The following PAPPA2 variants were observed in gnomAD, a reference collection of about 807,000 sequenced individuals.
PAPPA2 encodes the protein pappalysin-2.
A neutral mutation model predicts 176.4 loss-of-function variants in PAPPA2; 86 were observed. The observed-to-expected ratio is 0.49, with a 90% confidence interval of 0.41 to 0.58. The LOEUF (loss-of-function observed/expected upper bound fraction) is 0.58. PAPPA2 is among the 20% of genes least tolerant of loss of function. The pLI, the probability that PAPPA2 is intolerant of heterozygous loss-of-function variation, is 0.00. For missense variants in PAPPA2, 2,073 were observed against 2,256.9 expected (o/e 0.92, Z 1.65); for synonymous variants, 809 against 852.2 (o/e 0.95, Z 0.88).
chr1:176,613,627 C>A (rs868274891), intron 3 of PAPPA2, among the ~76,000 whole-genome samples: 28 of 152,290 alleles, frequency 1.8e-4, no homozygotes, highest in African/African-American at 6.0e-4. Context: ...AGTTTGAAAT[C>A]ATAGATTTCT....
chr1:176,613,330 T>G (rs2102680791), intron 3 of PAPPA2, among the ~76,000 whole-genome samples: 1 of 152,328 alleles, frequency 6.6e-6, no homozygotes, highest in Non-Finnish European at 1.5e-5. Context: ...GTTACAGAAC[T>G]TCACTGCTGG....
chr1:176,835,925 T>C (rs1557902239), intron 21 of PAPPA2, among the ~76,000 whole-genome samples: 4 of 152,130 alleles, frequency 2.6e-5, no homozygotes, highest in African/African-American at 9.7e-5. Flanking sequence ...AGAGACCTTG[T>C]GCTAGGGCTC....
chr1:176,553,474 G>T (rs1265816683), intron 1 of PAPPA2: 1 of 152,076 alleles, frequency 6.6e-6, no homozygotes, highest in Non-Finnish European at 1.5e-5. Flanking sequence ...GGAAAACACA[G>T]AAATGGTTCA....
Position 176,631,489 on chromosome 1 carries a change from G to A in PAPPA2, c.1991+35894G>A, listed in dbSNP as rs1656335907. On this transcript the variant is annotated intron_variant, in intron 3 of 22. Transcript: ENST00000367662. Reference sequence around the variant, plus strand: ...GAGATGATTGCACACATCTCTCAATGCACTAAAAACATTGAATTGTACACT... The same window carrying A: ...GAGATGATTGCACACATCTCTCAATACACTAAAAACATTGAATTGTACACT... Among the ~76,000 whole-genome samples the A allele has an allele frequency of 3.3e-5, 5 of 152,230 alleles. No individual in the cohort carries two copies. In the South Asian group the frequency reaches 1.0e-3, roughly 32 times the overall value.
intron 21 of PAPPA2, among the ~76,000 whole-genome samples, chr1:176,812,829 T>C (rs972006127): frequency 6.6e-6 from 1 of 152,122 alleles, no homozygotes; most frequent in Non-Finnish European, 1.5e-5. Flanking sequence ...GAAGTGCAGG[T>C]TTGTTACATA....
intron 12 of PAPPA2, among the ~76,000 whole-genome samples, chr1:176,716,409 C>T (rs1661375207): frequency 6.6e-6 from 1 of 151,466 alleles, no homozygotes; most frequent in Non-Finnish European, 1.5e-5. Context: ...TTATGCCCGG[C>T]TAATTTTTGT....
rs774870212 is a variant in PAPPA2, at chr1:176,556,282, A to G, written c.-41A>G. ...TGCCCATCACTCTGGTGTGGTACCC[A>G]GAAGTTGACTTCTGGTTCTGTAGAA... On this transcript the variant is annotated 5_prime_UTR_variant, in exon 2 of 23. Coordinates refer to ENST00000367662, the MANE Select transcript of PAPPA2 (RefSeq NM_020318.3). 1.0e-5 allele frequency: 16 copies of G among 1,585,692 alleles called. No homozygotes were observed. Among genetic ancestry groups the G allele is most frequent in the Admixed American group, 1.7e-5 (1 of 57,870 alleles).
chr1:176,776,423 C>T (rs752705914), intron 17 of PAPPA2, among the ~76,000 whole-genome samples: 5 of 152,244 alleles, frequency 3.3e-5, no homozygotes, highest in Non-Finnish European at 4.4e-5. Context: ...GAGGGTTGCC[C>T]ACAGCATCAA....
chr1:176,658,601 C>T (rs1322142917), intron 3 of PAPPA2, among the ~76,000 whole-genome samples: 1 of 151,672 alleles, frequency 6.6e-6, no homozygotes, highest in Non-Finnish European at 1.5e-5. Flanking sequence ...AGAAAAGAGG[C>T]CTTGAATGTC....
In PAPPA2 at chr1:176,690,383, T is replaced by C. The variant is rs1660056124; in HGVS notation, c.2384T>C (p.Phe795Ser). The change falls in exon 5 of 23, where the codon TTC becomes TCC. Residue 795 changes from phenylalanine (F) to serine (S), a missense_variant. By Grantham distance (155) the Phe-to-Ser change is radical. Coordinates refer to ENST00000367662, the MANE Select transcript of PAPPA2 (RefSeq NM_020318.3). The stretch of plus-strand genomic sequence containing the variant: ...GAGCCCACTAGTGACACCTGTGGCT[T>C]CACTCGCTTCCCAGGGGCTCCGTTC... ...EPEPTSDTCG[F>S]TRFPGAPFTN... is the part of the protein sequence containing the mutation. 1 of 1,614,160 alleles carries C rather than the reference T, an allele frequency of 6.2e-7. No individual in the cohort carries two copies. The highest frequency in any genetic ancestry group is 2.2e-5 in the East Asian group (1 of 44,864).
At chr1:176,575,035 T>C (rs1652566556) in intron 2 of PAPPA2, among the ~76,000 whole-genome samples, 1 of 152,208 alleles carries the variant, frequency 6.6e-6, no homozygotes, top group Non-Finnish European at 1.5e-5. Context: ...GAACATATCC[T>C]GGTTGTTAAG....
At chr1:176,824,696 C>T (rs1284293686) in intron 21 of PAPPA2, among the ~76,000 whole-genome samples, 1 of 152,180 alleles carries the variant, frequency 6.6e-6, no homozygotes, top group Non-Finnish European at 1.5e-5. Context: ...CTCTATCGCT[C>T]ATTCCCCAAG....
At chr1:176,643,852 G>A (rs2102731869) in intron 3 of PAPPA2, among the ~76,000 whole-genome samples, 1 of 151,976 alleles carries the variant, frequency 6.6e-6, no homozygotes, top group South Asian at 2.1e-4. Flanking sequence ...TCTCCAGAGA[G>A]AACACAGGCT....
chr1:176,807,206 G>A (rs1003545719), intron 21 of PAPPA2, among the ~76,000 whole-genome samples: 8 of 152,172 alleles, frequency 5.3e-5, no homozygotes, highest in African/African-American at 1.9e-4. Context: ...GTTACTCAAA[G>A]CACAAGGATA....
intron 15 of PAPPA2, among the ~76,000 whole-genome samples, chr1:176,767,691 C>T (rs1208830130): frequency 1.3e-5 from 2 of 152,136 alleles, no homozygotes; most frequent in Non-Finnish European, 2.9e-5. Flanking sequence ...TAGTTAGAGC[C>T]AGACTTGCAG....
chr1:176,609,481 C>G (rs984605323), intron 3 of PAPPA2, among the ~76,000 whole-genome samples: 5 of 151,974 alleles, frequency 3.3e-5, no homozygotes, highest in African/African-American at 1.2e-4. Context: ...GAGTACTTGC[C>G]ATGGAAGCGA....
intron 12 of PAPPA2, among the ~76,000 whole-genome samples, chr1:176,736,483 A>AT (rs1662419978): frequency 7.3e-6 from 1 of 136,788 alleles, no homozygotes. Context: ...GTATATGTAA[A>AT]AATATATATT....
intron 15 of PAPPA2, 138 bp downstream of exon 15, chr1:176,765,975 G>A: frequency 9.8e-7 from 1 of 1,021,254 alleles, no homozygotes; most frequent in Non-Finnish European, 1.4e-6. Flanking sequence ...CTAACAAGCA[G>A]AGAGAATGAT....
At chr1:176,746,588 G>A (rs1662920278) in intron 14 of PAPPA2, among the ~76,000 whole-genome samples, 1 of 152,036 alleles carries the variant, frequency 6.6e-6, no homozygotes. Context: ...GAATAGATTT[G>A]AGCTAATTAG....
Sources: gnomAD v4.1 joint callset for allele counts (sites outside exome capture counted in the v4.1 genomes callset) on GRCh38, gnomAD v4.1.1 for gene constraint, MANE v1.5 for transcripts, NCBI Gene and HGNC (gene_info 2026-07-23, HGNC 2026-07-21) for gene names.